ALDH1A2: variants seen among roughly 807,000 people sequenced by gnomAD.
The protein encoded by ALDH1A2 is retinal dehydrogenase 2.
A neutral mutation model predicts 60.3 loss-of-function variants in ALDH1A2; 27 were observed. The ratio of observed to expected loss-of-function variants is 0.45; its 90% CI spans 0.33 to 0.62. ALDH1A2 has a LOEUF of 0.62. Among genes scored for constraint, ALDH1A2 ranks in the 20% least tolerant of loss-of-function variants. The pLI is 0.02. For synonymous variants in ALDH1A2, 289 were observed against 232.4 expected (o/e 1.24, Z -2.21); for missense variants, 581 against 643.8 (o/e 0.90, Z 1.06).
At chr15:58,060,463 C>CTTTTTTTTT (rs35187901) in intron 1 of ALDH1A2, among the ~76,000 whole-genome samples, 83 of 87,492 alleles carry the variant, frequency 9.5e-4, no homozygotes, top group African/African-American at 1.2e-3. Context: ...CCACACATAT[C>CTTTTTTTTT]TTTTTTTTTT....
chr15:58,021,672 A>T (rs1298083472), intron 1 of ALDH1A2, among the ~76,000 whole-genome samples: 1 of 152,244 alleles, frequency 6.6e-6, no homozygotes, highest in East Asian at 1.9e-4. Context: ...CTAGCCTTTG[A>T]CAAACGTCGT....
At chr15:57,998,939 A>G (rs1449110959) in intron 4 of ALDH1A2, among the ~76,000 whole-genome samples, 1 of 152,138 alleles carries the variant, frequency 6.6e-6, no homozygotes, top group East Asian at 1.9e-4. Context: ...TGACAAAAAC[A>G]AACAATGGGG....
At chr15:57,971,480 T>C (rs1185305350) in intron 7 of ALDH1A2, among the ~76,000 whole-genome samples, 1 of 152,142 alleles carries the variant, frequency 6.6e-6, no homozygotes, top group African/African-American at 2.4e-5. Context: ...GGTTGAACTG[T>C]AGTAGTATGA....
At chr15:57,998,540 G>C (rs1207462904) in intron 4 of ALDH1A2, among the ~76,000 whole-genome samples, 1 of 151,758 alleles carries the variant, frequency 6.6e-6, no homozygotes, top group Non-Finnish European at 1.5e-5. Flanking sequence ...CCACTAATCA[G>C]GGAAATCAGA....
chr15:58,026,591 G>A (rs1294143242), intron 1 of ALDH1A2, among the ~76,000 whole-genome samples: 2 of 152,176 alleles, frequency 1.3e-5, no homozygotes, highest in Non-Finnish European at 2.9e-5. Flanking sequence ...AGCACAAGGG[G>A]TCAGGGGATT....
At chr15:57,970,182 C>T (rs1566932346) in intron 7 of ALDH1A2, among the ~76,000 whole-genome samples, 1 of 152,246 alleles carries the variant, frequency 6.6e-6, no homozygotes. Flanking sequence ...CACAGCTGCA[C>T]TGAATGATGG....
At chr15:57,974,242 G>A (rs1894164663) in intron 7 of ALDH1A2, among the ~76,000 whole-genome samples, 1 of 151,904 alleles carries the variant, frequency 6.6e-6, no homozygotes, top group South Asian at 2.1e-4. Flanking sequence ...GACCATCCTG[G>A]CTAACATGGT....
At chr15:58,006,173 C>A (rs1895450071) in intron 4 of ALDH1A2, among the ~76,000 whole-genome samples, 1 of 151,788 alleles carries the variant, frequency 6.6e-6, no homozygotes, top group Non-Finnish European at 1.5e-5. Context: ...ATCACTCACC[C>A]CACTCCCATC....
Position 57,995,138 on chromosome 15 carries a change from A to C in ALDH1A2, c.495T>G (p.Asp165Glu). 1 of 1,610,396 alleles carries C rather than the reference A, an allele frequency of 6.2e-7. No individual in the cohort carries two copies. The highest frequency in any genetic ancestry group is 8.5e-7 in the Non-Finnish European group (1 of 1,178,032). ...GTCTTGTAAAGGTAAAATAGTCTCC[A>C]TCTGAAAGAAAAAAGCATGGTCACT... ...DKIHGMTIPV[D>E]GDYFTFTRHE... The change falls in exon 5 of 13, where the codon GAT (aspartate) becomes GAG (glutamate). Residue 165 changes from aspartate (D) to glutamate (E), a missense_variant and splice_region_variant. Coordinates refer to ENST00000249750, the MANE Select transcript of ALDH1A2 (RefSeq NM_003888.4).
chr15:58,022,263 T>G (rs894009900), intron 1 of ALDH1A2, among the ~76,000 whole-genome samples: 2 of 152,118 alleles, frequency 1.3e-5, no homozygotes, highest in Non-Finnish European at 2.9e-5. Context: ...ATCTACCACC[T>G]TGGGTACCTG....
intron 1 of ALDH1A2, among the ~76,000 whole-genome samples, chr15:58,064,995 A>C (rs1383665753): frequency 6.6e-6 from 1 of 152,252 alleles, no homozygotes; most frequent in Non-Finnish European, 1.5e-5. Context: ...TGTACTTATC[A>C]GTCAGGTTTC....
intron 1 of ALDH1A2, among the ~76,000 whole-genome samples, chr15:58,046,159 T>C (rs569035360): frequency 7.9e-5 from 12 of 152,162 alleles, no homozygotes; most frequent in African/African-American, 2.4e-4. Context: ...GGAATAGATA[T>C]CTCACGGTCT....
rs145819696 is a variant in ALDH1A2 at position 57,973,959 on chromosome 15, T to TTCTC, written c.799-8136_799-8133dup. Among the ~76,000 whole-genome samples the TTCTC allele has an allele frequency of 8.8e-4, 133 of 150,886 alleles. 1 individual carries two copies. The highest frequency in any genetic ancestry group is 2.9e-3 in the African/African-American group (118 of 41,258). On this transcript the variant is annotated intron_variant, in intron 7 of 12. Transcript: ENST00000249750. The stretch of plus-strand genomic sequence containing the variant: ...CCTATTCTCTTTCCCAAATTCTCCC[T>TTCTC]TCTCTCTCTCTCTCTCAGTTCCCTA...
At chr15:58,015,246 C>A (rs554413767) in intron 1 of ALDH1A2, among the ~76,000 whole-genome samples, 1 of 152,162 alleles carries the variant, frequency 6.6e-6, no homozygotes, top group East Asian at 1.9e-4. Flanking sequence ...TTAGTGCCTG[C>A]CATTTAAAAA....
chr15:58,030,589 G>T (rs1457123883), intron 1 of ALDH1A2, among the ~76,000 whole-genome samples: 1 of 152,098 alleles, frequency 6.6e-6, no homozygotes, highest in Non-Finnish European at 1.5e-5. Context: ...AGGAAAAGAG[G>T]AAGTCAAATT....
chr15:58,013,948 A>G lies in ALDH1A2; in HGVS notation c.273T>C (p.Gly91=). ...VQAARLAFSL[G]SVWRRMDASE... ...AAGCATCCATCCTTCTCCACACTGA[A>G]CCAAGAGAGAAAGCCAGGCGGGCTG... The change falls in exon 3 of 13, where the codon GGT becomes GGC. Residue 91 remains glycine, a synonymous_variant. Coordinates refer to ENST00000249750, the MANE Select transcript of ALDH1A2 (RefSeq NM_003888.4). 1 of 1,614,104 alleles carries G rather than the reference A, an allele frequency of 6.2e-7. No homozygotes were observed. Among genetic ancestry groups the G allele is most frequent in the Non-Finnish European group, 8.5e-7 (1 of 1,179,976 alleles).
intron 1 of ALDH1A2, among the ~76,000 whole-genome samples, chr15:58,044,360 G>A (rs562050537): frequency 5.3e-5 from 8 of 151,788 alleles, no homozygotes; most frequent in African/African-American, 1.9e-4. Context: ...CTGTGTCCAC[G>A]GGTTCTCATT....
intron 1 of ALDH1A2, among the ~76,000 whole-genome samples, chr15:58,031,134 C>G (rs190497315): frequency 1.3e-5 from 2 of 151,886 alleles, no homozygotes; most frequent in Non-Finnish European, 2.9e-5. Flanking sequence ...GCTACAGTAA[C>G]CAAAACAGCC....
chr15:58,035,123 C>T (rs1337120108), intron 1 of ALDH1A2, among the ~76,000 whole-genome samples: 1 of 151,548 alleles, frequency 6.6e-6, no homozygotes, highest in Non-Finnish European at 1.5e-5. Flanking sequence ...ATTATTGATT[C>T]AATTTCTTGA....
Sources: gnomAD v4.1 joint callset for allele counts (sites outside exome capture counted in the v4.1 genomes callset) on GRCh38, gnomAD v4.1.1 for gene constraint, MANE v1.5 for transcripts, NCBI Gene and HGNC (gene_info 2026-07-23, HGNC 2026-07-21) for gene names.